The following ADAM20 variants were observed in gnomAD, a reference collection of about 807,000 sequenced individuals.
ADAM20 encodes ADAM metallopeptidase domain 20, also known as disintegrin and metalloproteinase domain-containing protein 20.
For synonymous variants in ADAM20, 305 were observed against 310.2 expected (o/e 0.98, Z 0.18); for missense variants, 871 against 883.2 (o/e 0.99, Z 0.18).
Position 70,523,890 on chromosome 14 carries a change from GATT to G in ADAM20, c.865_867del (p.Asn289del). 1.9e-6 allele frequency: 3 copies of G among 1,613,876 alleles called. No homozygotes were observed. Among genetic ancestry groups the G allele is most frequent in the Non-Finnish European group, 2.5e-6 (3 of 1,179,928 alleles). ...AGATGTGCAACATCATGTTGTAGTC[GATT>G]ATTAAGGTTATAATTCTTCCAAATA... On this transcript the variant is annotated inframe_deletion, in exon 2 of 2. Coordinates refer to ENST00000256389, the MANE Select transcript of ADAM20 (RefSeq NM_003814.5).
chr14:70,541,655 T>C, the ADAM20 span, among the ~76,000 whole-genome samples: 1 of 152,218 alleles, frequency 6.6e-6, no homozygotes, highest in African/African-American at 2.4e-5. Flanking sequence ...GCTTATTTGG[T>C]ATAAAAGCAT....
chr14:70,523,498 T>C lies in ADAM20; in HGVS notation c.1260A>G (p.Glu420=). The C allele has an allele frequency of 6.2e-7, 1 of 1,614,088 alleles. No individual in the cohort carries two copies. The highest frequency in any genetic ancestry group is 1.1e-5 in the South Asian group (1 of 91,082). The change falls in exon 2 of 2, where the codon GAA becomes GAG. Residue 420 remains glutamate (E), a synonymous_variant. Transcript: ENST00000256389. ...CGNLVVEEGE[E]CDCGTIRQCA... is the part of the protein sequence containing the mutation. Reference sequence around the variant, plus strand: ...ACTGCCGTATGGTTCCACAGTCACATTCCTCCCCTTCTTCAACCACTAGAT... The same window carrying C: ...ACTGCCGTATGGTTCCACAGTCACACTCCTCCCCTTCTTCAACCACTAGAT...
chr14:70,564,724 G>C, the ADAM20 span, among the ~76,000 whole-genome samples: 1 of 136,852 alleles, frequency 7.3e-6, no homozygotes, highest in African/African-American at 2.7e-5. Context: ...TATCAACAAA[G>C]AGATAGACGC....
the ADAM20 span, among the ~76,000 whole-genome samples, chr14:70,562,812 A>T: frequency 1.3e-5 from 2 of 152,126 alleles, no homozygotes; most frequent in African/African-American, 4.8e-5. Context: ...TGGAACTGTG[A>T]GTCAATTAAA....
At chr14:70,558,724 A>G in the ADAM20 span, among the ~76,000 whole-genome samples, 59 of 152,346 alleles carry the variant, frequency 3.9e-4, no homozygotes, top group African/African-American at 1.4e-3. Flanking sequence ...GGGAGGCAGA[A>G]TACACACATT....
At chr14:70,557,203 T>C in the ADAM20 span, 1 of 152,234 alleles carries the variant, frequency 6.6e-6, no homozygotes, top group East Asian at 1.9e-4. Flanking sequence ...GGGGAACTAT[T>C]ACTTTGGAAG....
rs1883471712 is a variant in ADAM20 at position 70,522,514 on chromosome 14, A to G, written c.*63T>C. 1 of 1,405,918 alleles carries G rather than the reference A, an allele frequency of 7.1e-7. No individual in the cohort carries two copies. Among genetic ancestry groups the G allele is most frequent in the Non-Finnish European group, 9.4e-7 (1 of 1,060,142 alleles). The allele number at this position is 1,405,918 out of a possible 1,614,324, so 87.1% of individuals were successfully genotyped here. A position where few individuals can be genotyped will look rare whatever the true frequency, so the allele number is the denominator to read the frequency against. The stretch of plus-strand genomic sequence containing the variant: ...GTGAGACATGGCTTCATATTTTTCT[A>G]TTAAAAAATTGGATATTAAAAATGA... On this transcript the variant is annotated 3_prime_UTR_variant, in exon 2 of 2. Transcript: ENST00000256389.
the ADAM20 span, among the ~76,000 whole-genome samples, chr14:70,573,440 G>A: frequency 0.058 from 8,868 of 152,240 alleles, 326 homozygotes; most frequent in African/African-American, 0.1. Flanking sequence ...GGTGGGGGAC[G>A]AAGATGGGAA....
At chr14:70,535,424 C>T (rs1484962825), upstream of ADAM20, among the ~76,000 whole-genome samples, 1 of 152,134 alleles carries the variant, frequency 6.6e-6, no homozygotes, top group Non-Finnish European at 1.5e-5. Flanking sequence ...AGGGGGAAAA[C>T]TTTGAGACTT....
chr14:70,534,456 A>T (rs1042774504), intron 1 of ADAM20, among the ~76,000 whole-genome samples: 1 of 152,184 alleles, frequency 6.6e-6, no homozygotes, highest in Non-Finnish European at 1.5e-5. Flanking sequence ...GTGGAAAAAA[A>T]ATGTAAATAT....
At chr14:70,554,219 A>G in the ADAM20 span, among the ~76,000 whole-genome samples, 2 of 152,252 alleles carry the variant, frequency 1.3e-5, no homozygotes, top group Non-Finnish European at 2.9e-5. Flanking sequence ...TCAGGAAAAT[A>G]TAAGATAACA....
the ADAM20 span, among the ~76,000 whole-genome samples, chr14:70,579,134 C>T: frequency 1.3e-5 from 2 of 152,108 alleles, no homozygotes; most frequent in African/African-American, 4.8e-5. Flanking sequence ...GTTAATAGTG[C>T]TGCAATAAAC....
At chr14:70,546,939 T>C in the ADAM20 span, among the ~76,000 whole-genome samples, 5 of 151,266 alleles carry the variant, frequency 3.3e-5, no homozygotes, top group African/African-American at 4.9e-5. Context: ...TTAAGCAAAA[T>C]TGACAAACCT....
chr14:70,523,133 C>T lies in ADAM20; in HGVS notation c.1625G>A (p.Gly542Asp). The T allele has an allele frequency of 1.2e-6, 2 of 1,614,014 alleles. No individual in the cohort carries two copies. Among genetic ancestry groups the T allele is most frequent in the South Asian group, 1.1e-5 (1 of 91,078 alleles). Residue 542 changes from glycine to aspartate, a missense_variant, in exon 2 of 2, where the codon GGT becomes GAT. Coordinates refer to ENST00000256389, the MANE Select transcript of ADAM20 (RefSeq NM_003814.5). ...QEINTQGNRF[G>D]HCGIVGTTYV... ...TGTTGTGCCTACAATACCACAGTGA[C>T]CGAAACGGTTTCCTTGGGTGTTGAT...
At chr14:70,555,991 G>C in the ADAM20 span, among the ~76,000 whole-genome samples, 1 of 152,088 alleles carries the variant, frequency 6.6e-6, no homozygotes, top group Admixed American at 6.5e-5. Context: ...ACAAACCCAC[G>C]AGGCAGGGCT....
intron 1 of ADAM20, among the ~76,000 whole-genome samples, chr14:70,531,310 ACT>A (rs1423074768): frequency 6.6e-6 from 1 of 152,100 alleles, no homozygotes; most frequent in Non-Finnish European, 1.5e-5. Context: ...AATCCAACAC[ACT>A]TTTTTGATAA....
the ADAM20 span, among the ~76,000 whole-genome samples, chr14:70,577,531 T>C: frequency 6.6e-6 from 1 of 152,066 alleles, no homozygotes. Flanking sequence ...AGAACAAATA[T>C]ATGAAACAAC....
intron 1 of ADAM20, 32 bp downstream of exon 1, chr14:70,534,765 A>G (rs945607111): frequency 6.6e-6 from 1 of 152,214 alleles, no homozygotes; most frequent in Non-Finnish European, 1.5e-5. Context: ...CATATAGTTA[A>G]TAATACTGTA....
At chr14:70,578,879 C>T in the ADAM20 span, among the ~76,000 whole-genome samples, 1 of 152,076 alleles carries the variant, frequency 6.6e-6, no homozygotes, top group South Asian at 2.1e-4. Flanking sequence ...TTATTGTTCC[C>T]ATCTTTGTGT....
Sources: allele counts gnomAD v4.1 joint callset (sites outside exome capture counted in the v4.1 genomes callset), GRCh38; gene constraint gnomAD v4.1.1; transcripts MANE v1.5; gene names NCBI Gene and HGNC (gene_info 2026-07-23, HGNC 2026-07-21).